PCDHGA8: variants seen among roughly 807,000 people sequenced by gnomAD.
PCDHGA8 encodes protocadherin gamma-A8.
Under a neutral mutation model 59.2 loss-of-function variants are expected in PCDHGA8, and 45 were observed. The observed-to-expected ratio is 0.76, with a 90% CI of 0.60 to 0.98. The LOEUF (loss-of-function observed/expected upper bound fraction) is 0.98, where lower values mean the gene tolerates loss of function less well. Among genes scored for constraint, PCDHGA8 ranks in the 50% least tolerant of loss-of-function variants. PCDHGA8 has a pLI of 0.00. For synonymous variants in PCDHGA8, 531 were observed against 519.0 expected (o/e 1.02, Z -0.32); for missense variants, 1,257 against 1,196.2 (o/e 1.05, Z -0.75).
At chr5:141,400,303 G>T (rs2094000375) in intron 1 of PCDHGA8, 1 of 1,613,908 alleles carries the variant, frequency 6.2e-7, no homozygotes, top group Non-Finnish European at 8.5e-7. Context: ...CTTCCAACCT[G>T]GTCTCTGTGT....
At position 141,489,094 on chromosome 5, in the gene PCDHGA8, G is replaced by GAAA. The variant is rs2154581134; in HGVS notation, c.2425-5711_2425-5710insAAA. On this transcript the variant is annotated intron_variant, in intron 1 of 3. Coordinates refer to ENST00000398604, the MANE Select transcript of PCDHGA8 (RefSeq NM_032088.2). The surrounding 1 kb of genome is among the most constrained non-coding windows in gnomAD (Gnocchi z 4.5). ...CCCACCCCCGCCACTCGGTGACTAA[G>GAAA]AACTGCTGCAAGCAGGCAAACCTCC... The GAAA allele has an allele frequency of 5.1e-6, 2 of 396,028 alleles. No homozygotes were observed. Among genetic ancestry groups the GAAA allele is most frequent in the South Asian group, 4.8e-5 (1 of 20,814 alleles). The allele number at this position is 396,028 out of a possible 1,614,324, so 24.5% of individuals were successfully genotyped here.
intron 1 of PCDHGA8, chr5:141,405,358 A>G (rs567878422): frequency 6.2e-7 from 1 of 1,613,900 alleles, no homozygotes; most frequent in East Asian, 2.2e-5. Context: ...TTCCTATAGA[A>G]GACACCCCTT....
intron 1 of PCDHGA8, chr5:141,411,225 GC>G (rs1253575140): frequency 1.3e-5 from 2 of 152,092 alleles, no homozygotes; most frequent in African/African-American, 4.8e-5. Flanking sequence ...ATTCAAATTT[GC>G]GAAGACTTAG....
chr5:141,494,785 T>G, intron 1 of PCDHGA8, 22 bp from the exon 2 acceptor site: 1 of 1,614,016 alleles, frequency 6.2e-7, no homozygotes, highest in Non-Finnish European at 8.5e-7. Flanking sequence ...ACTCAGCCCC[T>G]TTCCCTCTGT....
chr5:141,499,485 A>G (rs1278629076), intron 2 of PCDHGA8, among the ~76,000 whole-genome samples: 2 of 152,226 alleles, frequency 1.3e-5, no homozygotes, highest in Non-Finnish European at 2.9e-5. Flanking sequence ...ACCACCAACT[A>G]CAGTTTAATA....
intron 1 of PCDHGA8, chr5:141,426,739 GC>G (rs1345744337): frequency 8.8e-6 from 4 of 453,408 alleles, no homozygotes; most frequent in Non-Finnish European, 1.8e-5. Flanking sequence ...ATTCGGTTTG[GC>G]CTGGAATCTG....
At position 141,493,356 on chromosome 5, in the gene PCDHGA8, C is replaced by A. The variant is rs1303319550; in HGVS notation, c.2425-1451C>A. Among the ~76,000 whole-genome samples, 1 of 152,182 alleles carries A rather than the reference C, an allele frequency of 6.6e-6. No individual in the cohort carries two copies. The highest frequency in any genetic ancestry group is 2.4e-5 in the African/African-American group (1 of 41,438). On this transcript the variant is annotated intron_variant, in intron 1 of 3. Transcript: ENST00000398604. This position sits in a 1 kb window ranked among gnomAD's most constrained non-coding sequence, Gnocchi z 4.3. ...ACTCCAGAATGTGTGCTTTTAATTT[C>A]TTGGCACTTGGAACTTTAAAAGCTT...
In PCDHGA8 at chr5:141,401,291, G is replaced by A. The variant is rs565015907; in HGVS notation, c.2424+6054G>A. On this transcript the variant is annotated intron_variant, in intron 1 of 3. Transcript: ENST00000398604. ...TGGCAGGTGGAGGTTGCGGTGAGCC[G>A]AGATCACTCCATTGCATTCCAGCCT... is the stretch of plus-strand genomic sequence containing the variant. Among the ~76,000 whole-genome samples the A allele has an allele frequency of 8.5e-5, 13 of 152,194 alleles. No individual in the cohort carries two copies. The South Asian group carries it at 2.5e-3, about 29-fold the overall frequency.
chr5:141,419,853 C>A lies in PCDHGA8; in HGVS notation c.2424+24616C>A, dbSNP rs1327953878. The A allele has an allele frequency of 1.9e-6, 3 of 1,614,072 alleles. No homozygotes were observed. In the Admixed American group the frequency reaches 5.0e-5, roughly 27 times the overall value. The stretch of plus-strand genomic sequence containing the variant: ...ACTGCCACGCTGCACCTGGTGTTCG[C>A]AGATAGCTTGCAAGAGGTACTGCCG... On this transcript the variant is annotated intron_variant, in intron 1 of 3. Transcript: ENST00000398604.
intron 1 of PCDHGA8, chr5:141,415,478 G>C: frequency 6.2e-7 from 1 of 1,614,082 alleles, no homozygotes; most frequent in Non-Finnish European, 8.5e-7. Flanking sequence ...GCGGACTCGC[G>C]AAAGAGTCAC....
intron 1 of PCDHGA8, chr5:141,423,735 G>A (rs2096770441): frequency 1.3e-6 from 1 of 777,372 alleles, no homozygotes; most frequent in African/African-American, 2.5e-5. Context: ...TTTTGAGCCT[G>A]TTATGAAAAC....
At chr5:141,395,374 T>G (rs145897132) in intron 1 of PCDHGA8, 137 bp downstream of exon 1, 6 of 1,187,780 alleles carry the variant, frequency 5.1e-6, no homozygotes, top group Non-Finnish European at 6.9e-6. Flanking sequence ...ATTTTGGTGG[T>G]GTTACTATAA....
chr5:141,422,987 A>AG, intron 1 of PCDHGA8: 1 of 1,614,168 alleles, frequency 6.2e-7, no homozygotes. Context: ...GAACCTGGCT[A>AG]CCTGGTGACC....
intron 1 of PCDHGA8, chr5:141,411,753 A>G (rs1006054735): frequency 6.5e-5 from 10 of 152,756 alleles, no homozygotes; most frequent in African/African-American, 2.4e-4. Context: ...GTGGTGGCAC[A>G]TGCCTGTGGT....
chr5:141,447,056 G>A (rs1452688256), intron 1 of PCDHGA8, among the ~76,000 whole-genome samples: 1 of 152,058 alleles, frequency 6.6e-6, no homozygotes, highest in Non-Finnish European at 1.5e-5. Flanking sequence ...CTATTAAAAT[G>A]TGTCAGGCTG....
chr5:141,408,933 G>C, intron 1 of PCDHGA8: 1 of 1,613,550 alleles, frequency 6.2e-7, no homozygotes, highest in South Asian at 1.1e-5. Context: ...GTTTTCAGCA[G>C]AGACGAATAT....
At chr5:141,463,653 G>T (rs1378583183) in intron 1 of PCDHGA8, among the ~76,000 whole-genome samples, 1 of 151,764 alleles carries the variant, frequency 6.6e-6, no homozygotes. Context: ...GGGTTTCACC[G>T]TGTTAGCCAG....
chr5:141,402,799 C>A (rs1248030162), intron 1 of PCDHGA8: 2 of 1,061,840 alleles, frequency 1.9e-6, no homozygotes, highest in Non-Finnish European at 2.6e-6. Flanking sequence ...TACACAAAAC[C>A]CGGCAGATAC....
At chr5:141,404,524 G>C (rs368795324) in intron 1 of PCDHGA8, 3 of 1,613,938 alleles carry the variant, frequency 1.9e-6, no homozygotes, top group Non-Finnish European at 2.5e-6. Context: ...ACTATGAGCA[G>C]TTTAGAGATT....
Sources: gnomAD v4.1 joint callset for allele counts (sites outside exome capture counted in the v4.1 genomes callset) on GRCh38, gnomAD v4.1.1 for gene constraint, Gnocchi (gnomAD v3.1) non-coding constraint, MANE v1.5 for transcripts, NCBI Gene and HGNC (gene_info 2026-07-23, HGNC 2026-07-21) for gene names.